The following WDPCP variants were observed in gnomAD, a reference collection of about 807,000 sequenced individuals.
The protein encoded by WDPCP is WD repeat containing planar cell polarity effector.
A neutral mutation model predicts 93.1 loss-of-function variants in WDPCP; 71 were observed. The observed-to-expected ratio is 0.76, with a 90% CI of 0.63 to 0.93. WDPCP has a LOEUF of 0.93. WDPCP is among the 40% of genes least tolerant of loss of function. The pLI is 0.00. For missense variants in WDPCP, 844 were observed against 887.4 expected (o/e 0.95, Z 0.62); for synonymous variants, 315 against 315.0 (o/e 1.00, Z 0.00).
At position 63,300,167 on chromosome 2, in the gene WDPCP, G is replaced by A. The variant is rs552607474; in HGVS notation, c.1812+13081C>T. On this transcript the variant is annotated intron_variant, in intron 13 of 17. Coordinates refer to ENST00000272321, the MANE Select transcript of WDPCP (RefSeq NM_015910.7). ...GCTAGGAGACCTCTTCCTCTACGGA[G>A]GAAGCTGTTGCTCTTTCTCTTCTCT... Among the ~76,000 whole-genome samples, 3 of 152,098 alleles carry A rather than the reference G, an allele frequency of 2.0e-5. No individual in the cohort carries two copies. In the South Asian group the frequency reaches 6.2e-4, roughly 32 times the overall value.
chr2:63,275,472 A>G (rs79107886), intron 13 of WDPCP, among the ~76,000 whole-genome samples: 2,476 of 152,312 alleles, frequency 0.016, 65 homozygotes, highest in African/African-American at 0.056. Context: ...GCTAGAAAAA[A>G]CAAAGTCAGA....
At chr2:63,566,768 C>T (rs1157435293) in intron 1 of WDPCP, among the ~76,000 whole-genome samples, 2 of 152,142 alleles carry the variant, frequency 1.3e-5, no homozygotes, top group Non-Finnish European at 2.9e-5. Flanking sequence ...CAAGACTGTC[C>T]TCACTTCAGA....
chr2:63,247,578 A>C (rs1166381288), intron 14 of WDPCP, among the ~76,000 whole-genome samples: 2 of 151,940 alleles, frequency 1.3e-5, no homozygotes, highest in Non-Finnish European at 1.5e-5. Context: ...TATTATATAA[A>C]ATTGCCTTCA....
At chr2:63,273,278 T>C (rs975851527) in intron 13 of WDPCP, among the ~76,000 whole-genome samples, 16 of 151,938 alleles carry the variant, frequency 1.1e-4, no homozygotes, top group Non-Finnish European at 1.3e-4. Context: ...AAGGATGATA[T>C]CTACCACCAT....
At chr2:63,581,190 A>G (rs1238662502) in intron 1 of WDPCP, among the ~76,000 whole-genome samples, 1 of 152,202 alleles carries the variant, frequency 6.6e-6, no homozygotes, top group Non-Finnish European at 1.5e-5. Flanking sequence ...ACATATTTCC[A>G]TATGTCTTTG....
intron 2 of WDPCP, among the ~76,000 whole-genome samples, chr2:63,763,011 A>T (rs1037994144): frequency 1.6e-4 from 24 of 152,216 alleles, no homozygotes; most frequent in African/African-American, 5.8e-4. Context: ...TACAACAGTG[A>T]CCATGACAAA....
intron 6 of WDPCP, among the ~76,000 whole-genome samples, chr2:63,468,212 A>G (rs141940656): frequency 0.01 from 1,528 of 152,216 alleles, 15 homozygotes; most frequent in Non-Finnish European, 0.016. Flanking sequence ...CTAGCATCAT[A>G]GTTTAAAAGC....
intron 1 of WDPCP, among the ~76,000 whole-genome samples, chr2:63,522,962 C>T (rs1703052878): frequency 1.3e-5 from 2 of 152,276 alleles, no homozygotes; most frequent in South Asian, 4.1e-4. Flanking sequence ...TTCTATGAGG[C>T]CAGCATCATC....
At chr2:63,598,927 T>C (rs1252318416) in intron 3 of WDPCP, among the ~76,000 whole-genome samples, 1 of 150,406 alleles carries the variant, frequency 6.6e-6, no homozygotes, top group African/African-American at 2.4e-5. Context: ...TATATGGGAG[T>C]CAGTCTCTGT....
intron 2 of WDPCP, among the ~76,000 whole-genome samples, chr2:63,655,243 T>C (rs1157305821): frequency 1.3e-5 from 2 of 152,148 alleles, no homozygotes; most frequent in African/African-American, 4.8e-5. Context: ...CATTTTGGCT[T>C]TTCACCAAAT....
At chr2:63,260,996 A>C (rs973893221) in intron 13 of WDPCP, among the ~76,000 whole-genome samples, 2 of 152,184 alleles carry the variant, frequency 1.3e-5, no homozygotes, top group East Asian at 3.8e-4. Flanking sequence ...TTGAATGCTG[A>C]GTGGCTTTGA....
intron 14 of WDPCP, among the ~76,000 whole-genome samples, chr2:63,213,599 C>T (rs1677037692): frequency 6.6e-6 from 1 of 152,040 alleles, no homozygotes; most frequent in African/African-American, 2.4e-5. Flanking sequence ...CAAAAGCGAG[C>T]ACAAGGCAAG....
chr2:63,585,376 A>G (rs1708772849), intron 1 of WDPCP, among the ~76,000 whole-genome samples: 1 of 152,184 alleles, frequency 6.6e-6, no homozygotes, highest in South Asian at 2.1e-4. Flanking sequence ...TTACACTTAA[A>G]TTTTAAAAAG....
intron 13 of WDPCP, among the ~76,000 whole-genome samples, chr2:63,262,330 A>T (rs1345126690): frequency 1.3e-5 from 2 of 152,150 alleles, no homozygotes; most frequent in South Asian, 2.1e-4. Context: ...AGACATACAC[A>T]TGTTTATACC....
chr2:63,446,926 G>A (rs6736411), intron 6 of WDPCP, among the ~76,000 whole-genome samples: 119,421 of 152,206 alleles, frequency 0.78, 47,247 homozygotes, highest in East Asian at 0.98. Flanking sequence ...CAATGTCTAT[G>A]ATGCCAAATA....
chr2:63,543,396 A>G (rs983651951), intron 1 of WDPCP, among the ~76,000 whole-genome samples: 3 of 152,152 alleles, frequency 2.0e-5, no homozygotes, highest in Non-Finnish European at 2.9e-5. Context: ...AAAAATATTG[A>G]AAAATATTTA....
rs369786224 is a variant in WDPCP, at chr2:63,152,925, C to T, written c.2179G>A (p.Gly727Ser). ...AGAAAGTGTTTTACCTGTTCTCTGC[C>T]GTCTTCTCTCAGTTCTCCGTCTAAA... ...NAEDGELRED[G>S]REQEIRDGGS... Residue 727 changes from glycine (G) to serine (S), a missense_variant, in exon 17 of 18, where the codon GGC becomes AGC. Physicochemically the swap from Gly to Ser is moderately conservative, Grantham distance 56. Transcript: ENST00000272321. The T allele has an allele frequency of 1.1e-4, 174 of 1,612,042 alleles. No individual in the cohort carries two copies. In the Middle Eastern group the frequency reaches 1.7e-3, roughly 15 times the overall value.
intron 14 of WDPCP, among the ~76,000 whole-genome samples, chr2:63,244,367 G>C (rs1680101184): frequency 6.6e-6 from 1 of 151,984 alleles, no homozygotes; most frequent in Admixed American, 6.6e-5. Context: ...AATAATATCA[G>C]AGCAAAACTG....
chr2:63,511,068 C>G (rs757692244), intron 1 of WDPCP, among the ~76,000 whole-genome samples: 5 of 152,178 alleles, frequency 3.3e-5, no homozygotes, highest in Non-Finnish European at 5.9e-5. Context: ...GATACAAAAT[C>G]AATGTGCAAA....
Sources: allele counts gnomAD v4.1 joint callset (sites outside exome capture counted in the v4.1 genomes callset), GRCh38; gene constraint gnomAD v4.1.1; transcripts MANE v1.5; gene names NCBI Gene and HGNC (gene_info 2026-07-23, HGNC 2026-07-21).